ITPR1: variants seen among roughly 807,000 people sequenced by gnomAD.
The protein encoded by ITPR1 is inositol 1,4,5-trisphosphate-gated calcium channel ITPR1.
In ITPR1, 96 loss-of-function variants were observed where a neutral mutation model predicts 318.4. That is an observed-to-expected ratio of 0.30 (90% CI 0.26 to 0.36). The LOEUF (loss-of-function observed/expected upper bound fraction) is 0.36. ITPR1 is among the 10% of genes least tolerant of loss of function. The pLI, the probability that ITPR1 is intolerant of heterozygous loss-of-function variation, is 1.00. For missense variants in ITPR1, 2,440 were observed against 3,460.2 expected, an observed-to-expected ratio of 0.71 and a Z score of 7.40; for synonymous variants, 1,312 against 1,289.9, an observed-to-expected ratio of 1.02 and a Z score of -0.37.
At position 4,706,451 on chromosome 3, in the gene ITPR1, G is replaced by A. The variant is rs17041236; in HGVS notation, c.4842+100G>A. 3,669 of 1,044,496 alleles carry A rather than the reference G, an allele frequency of 3.5e-3. 29 individuals carry two copies. The highest frequency in any genetic ancestry group is 0.034 in the African/African-American group (2,147 of 62,816). 64.7% of individuals were successfully genotyped at this position (1,044,496 alleles called of 1,614,324 possible). ...AGCCACAGAGCATCTAAGCTGGGCC[G>A]TGGGAAGATGTCGGTGTGCTGAACG... On this transcript the variant is annotated intron_variant, in intron 37 of 61. Coordinates refer to ENST00000649015, the MANE Select transcript of ITPR1 (RefSeq NM_001378452.1).
chr3:4,816,153 C>T (rs2049288188), intron 59 of ITPR1: 1 of 152,160 alleles, frequency 6.6e-6, no homozygotes, highest in Non-Finnish European at 1.5e-5. Context: ...AGATCCAATA[C>T]TGTTATCTCA....
At position 4,804,910 on chromosome 3, in the gene ITPR1, G is replaced by A. The variant is rs185465382; in HGVS notation, c.7108-1193G>A. 2.7e-3 allele frequency among the ~76,000 whole-genome samples: 407 copies of A among 152,212 alleles called. 1 individual carries two copies. The highest frequency in any genetic ancestry group is 9.0e-3 in the African/African-American group (375 of 41,526). On this transcript the variant is annotated intron_variant, in intron 54 of 61. Coordinates refer to ENST00000649015, the MANE Select transcript of ITPR1 (RefSeq NM_001378452.1). ...TATTTCCCCCGCACCTGTGGCCAAG[G>A]GAGCTAGAGTAGCAGAAGATGGTTT...
chr3:4,697,399 T>C (rs1259222390), intron 34 of ITPR1, 127 bp downstream of exon 34: 1 of 873,958 alleles, frequency 1.1e-6, no homozygotes, highest in Non-Finnish European at 1.6e-6. Flanking sequence ...TCATTTCTAC[T>C]CTAATCCGTG....
chr3:4,648,505 T>A (rs2093517212), intron 10 of ITPR1, among the ~76,000 whole-genome samples: 2 of 152,204 alleles, frequency 1.3e-5, no homozygotes, highest in Admixed American at 1.3e-4. Context: ...CATTTGCCTA[T>A]GACCTTTTAG....
At chr3:4,657,676 C>T (rs1575948064) in intron 12 of ITPR1, among the ~76,000 whole-genome samples, 1 of 147,640 alleles carries the variant, frequency 6.8e-6, no homozygotes, top group East Asian at 2.0e-4. Flanking sequence ...ATTGGTCAGG[C>T]TGGTCTTGAA....
rs114777182 is a variant in ITPR1 at position 4,641,748 on chromosome 3, C to A, written c.367-345C>A. 3.3e-3 allele frequency among the ~76,000 whole-genome samples: 508 copies of A among 152,310 alleles called. 4 individuals carry two copies. Among genetic ancestry groups the A allele is most frequent in the African/African-American group, 0.011 (460 of 41,564 alleles). On this transcript the variant is annotated intron_variant, in intron 6 of 61. Transcript: ENST00000649015. The stretch of plus-strand genomic sequence containing the variant: ...AGCTCCACCTTTGTGTCAGGGCATG[C>A]CACACTGCAGTTCCTTAGCCCGTTC...
At chr3:4,774,043 G>A (rs2046340967) in intron 46 of ITPR1, among the ~76,000 whole-genome samples, 1 of 152,194 alleles carries the variant, frequency 6.6e-6, no homozygotes, top group South Asian at 2.1e-4. Context: ...AGTTACAAGA[G>A]TTGCCTCTCT....
chr3:4,595,249 G>C (rs898145088), intron 4 of ITPR1, among the ~76,000 whole-genome samples: 1 of 152,218 alleles, frequency 6.6e-6, no homozygotes, highest in South Asian at 2.1e-4. Context: ...GCTGGCATCT[G>C]CTCGGCTTCT....
intron 3 of ITPR1, among the ~76,000 whole-genome samples, chr3:4,519,852 C>T (rs1028161872): frequency 3.9e-5 from 6 of 152,068 alleles, no homozygotes; most frequent in African/African-American, 1.2e-4. Context: ...TAGCCTGGTG[C>T]CCCTTTGGAG....
intron 19 of ITPR1, among the ~76,000 whole-genome samples, chr3:4,670,077 A>C (rs140823489): frequency 9.2e-5 from 14 of 152,348 alleles, no homozygotes; most frequent in African/African-American, 3.4e-4. Flanking sequence ...GTGACCATCA[A>C]TTTAAAATTT....
chr3:4,588,106 C>T (rs990426512), intron 4 of ITPR1, among the ~76,000 whole-genome samples: 1 of 152,192 alleles, frequency 6.6e-6, no homozygotes, highest in African/African-American at 2.4e-5. Flanking sequence ...TAGCTGTCCC[C>T]TTAAGCACCC....
At chr3:4,814,174 T>C (rs1280505681) in intron 57 of ITPR1, 2 of 484,310 alleles carry the variant, frequency 4.1e-6, no homozygotes, top group East Asian at 4.1e-5. Context: ...GGACAGGGCA[T>C]GTTTTAGATC....
chr3:4,735,383 G>T, intron 44 of ITPR1, 29 bp downstream of exon 44: 1 of 1,581,522 alleles, frequency 6.3e-7, no homozygotes. Context: ...TACTGGTATG[G>T]CATCCCTGCT....
chr3:4,501,288 G>A (rs2081004588), intron 2 of ITPR1, among the ~76,000 whole-genome samples: 1 of 152,154 alleles, frequency 6.6e-6, no homozygotes, highest in Non-Finnish European at 1.5e-5. Context: ...TGAACATTGG[G>A]TTGTAAGTTC....
At position 4,710,912 on chromosome 3, in the gene ITPR1, A is replaced by G. The variant is rs906737384; in HGVS notation, c.4991+439A>G. ...AGCAGACCCATGGTTAGAAATCTCC[A>G]TTAGATTTTTGCCCCAAGGCCGGAC... On this transcript the variant is annotated intron_variant, in intron 38 of 61. Transcript: ENST00000649015. The surrounding 1 kb of genome is among the most constrained non-coding windows in gnomAD (Gnocchi z 4.2). 2.0e-5 allele frequency among the ~76,000 whole-genome samples: 3 copies of G among 152,174 alleles called. No homozygotes were observed. The highest frequency in any genetic ancestry group is 1.3e-4 in the Admixed American group (2 of 15,278).
chr3:4,774,786 C>T (rs1222151790), intron 46 of ITPR1, among the ~76,000 whole-genome samples: 3 of 152,348 alleles, frequency 2.0e-5, no homozygotes, highest in African/African-American at 7.2e-5. Context: ...CAGCTGATCA[C>T]ACCCCCATTT....
intron 4 of ITPR1, among the ~76,000 whole-genome samples, chr3:4,626,950 C>G (rs1047312460): frequency 1.3e-5 from 2 of 152,124 alleles, no homozygotes; most frequent in Admixed American, 1.3e-4. Flanking sequence ...ACTGGAGTAG[C>G]TGGGATTACA....
chr3:4,728,894 G>C (rs543449792), intron 42 of ITPR1, among the ~76,000 whole-genome samples: 1 of 152,280 alleles, frequency 6.6e-6, no homozygotes, highest in South Asian at 2.1e-4. Flanking sequence ...CTCAGACTAG[G>C]ACCAGAGAAT....
intron 4 of ITPR1, among the ~76,000 whole-genome samples, chr3:4,528,581 C>T (rs1220866655): frequency 4.6e-5 from 7 of 152,150 alleles, no homozygotes; most frequent in Admixed American, 4.6e-4. Context: ...TTTAAATACC[C>T]TCATGCAAAG....
Sources: gnomAD v4.1 joint callset for allele counts (sites outside exome capture counted in the v4.1 genomes callset) on GRCh38, gnomAD v4.1.1 for gene constraint, Gnocchi (gnomAD v3.1) non-coding constraint, MANE v1.5 for transcripts, NCBI Gene and HGNC (gene_info 2026-07-23, HGNC 2026-07-21) for gene names.